ARID2: variants seen among roughly 807,000 people sequenced by gnomAD.
ARID2 encodes AT-rich interaction domain 2, also known as AT-rich interactive domain-containing protein 2.
ARID2 carries 32 observed loss-of-function variants against 184.6 expected under a neutral mutation model. The observed-to-expected ratio is 0.17, with a 90% CI of 0.13 to 0.23. ARID2 has a LOEUF of 0.23. Among genes scored for constraint, ARID2 ranks in the 10% least tolerant of loss-of-function variants. The pLI is 1.00. For synonymous variants in ARID2, 836 were observed against 772.6 expected, an observed-to-expected ratio of 1.08 and a Z score of -1.36; for missense variants, 1,696 against 2,197.6, an observed-to-expected ratio of 0.77 and a Z score of 4.56.
chr12:45,790,332 C>T (rs1472227997), intron 3 of ARID2, among the ~76,000 whole-genome samples: 6 of 151,880 alleles, frequency 4.0e-5, no homozygotes, highest in East Asian at 1.9e-4. Flanking sequence ...TAATTTTTTA[C>T]GTTTATATTT....
At chr12:45,775,701 TTAGG>T (rs1206463493) in intron 3 of ARID2, among the ~76,000 whole-genome samples, 1 of 152,212 alleles carries the variant, frequency 6.6e-6, no homozygotes, top group Non-Finnish European at 1.5e-5. Flanking sequence ...TGATTCCACT[TTAGG>T]TATGCTCTAA....
At position 45,886,104 on chromosome 12, in the gene ARID2, A is replaced by G. The variant is rs143695995; in HGVS notation, c.4923-5676A>G. On this transcript the variant is annotated intron_variant, in intron 16 of 20. Coordinates refer to ENST00000334344, the MANE Select transcript of ARID2 (RefSeq NM_152641.4). The stretch of plus-strand genomic sequence containing the variant: ...ACAAGGAAAGTCCCTTCCACCTATC[A>G]GCCTGTAAAATCAAAAGCAAGTTAG... 7.5e-3 allele frequency among the ~76,000 whole-genome samples: 1,144 copies of G among 152,218 alleles called. 20 individuals are homozygous for G. Among genetic ancestry groups the G allele is most frequent in the African/African-American group, 0.026 (1,077 of 41,486 alleles).
chr12:45,899,132 C>T (rs1438618921), intron 20 of ARID2, among the ~76,000 whole-genome samples: 5 of 150,770 alleles, frequency 3.3e-5, no homozygotes, highest in Non-Finnish European at 7.4e-5. Context: ...ATTAGCTGGG[C>T]GTGGTGGCGC....
intron 3 of ARID2, chr12:45,789,364 T>C (rs1481788503): frequency 6.6e-6 from 1 of 152,206 alleles, no homozygotes; most frequent in Non-Finnish European, 1.5e-5. Context: ...AATATTTCTT[T>C]TTCTGTGTTT....
At position 45,729,731 on chromosome 12, in the gene ARID2, C is replaced by G; in HGVS notation, c.-106C>G. ...GCCGGCCCATGACTGAGCCCCGCCGCCGCCGGCCGAGGAATGGGCTCCGGG... is the reference window on the plus strand; with the variant it reads ...GCCGGCCCATGACTGAGCCCCGCCGGCGCCGGCCGAGGAATGGGCTCCGGG... On this transcript the variant is annotated 5_prime_UTR_variant, in exon 1 of 21. Transcript: ENST00000334344. The G allele has an allele frequency of 8.4e-7, 1 of 1,191,470 alleles. No individual in the cohort carries two copies. Among genetic ancestry groups the G allele is most frequent in the Admixed American group, 2.4e-5 (1 of 41,556 alleles). The allele number at this position is 1,191,470 out of a possible 1,614,324, so 73.8% of individuals were successfully genotyped here.
chr12:45,754,376 A>T (rs1180996122), intron 3 of ARID2, among the ~76,000 whole-genome samples: 1 of 152,188 alleles, frequency 6.6e-6, no homozygotes, highest in African/African-American at 2.4e-5. Flanking sequence ...GACAGATACT[A>T]TGTCTTTTTT....
At chr12:45,736,462 TAGTC>T (rs1025626989) in intron 3 of ARID2, among the ~76,000 whole-genome samples, 6 of 152,328 alleles carry the variant, frequency 3.9e-5, no homozygotes, top group African/African-American at 9.6e-5. Context: ...TGCATTTCAT[TAGTC>T]AGTGAGCAGG....
chr12:45,773,375 A>T (rs904278131), intron 3 of ARID2, among the ~76,000 whole-genome samples: 5 of 152,022 alleles, frequency 3.3e-5, no homozygotes, highest in African/African-American at 9.7e-5. Flanking sequence ...GCAAGCAGAG[A>T]AAGGAGATAA....
intron 3 of ARID2, among the ~76,000 whole-genome samples, chr12:45,768,473 C>T (rs111589789): frequency 1.1e-4 from 17 of 152,250 alleles, no homozygotes; most frequent in African/African-American, 3.4e-4. Context: ...AGAAGTGCAC[C>T]ATTGTTCCCC....
chr12:45,852,831 A>G lies in ARID2; in HGVS notation c.4708A>G (p.Ile1570Val), dbSNP rs2138181765. The G allele has an allele frequency of 1.2e-6, 2 of 1,613,706 alleles. No individual in the cohort carries two copies. Among genetic ancestry groups the G allele is most frequent in the Non-Finnish European group, 1.7e-6 (2 of 1,179,818 alleles). Residue 1570 changes from isoleucine (I) to valine (V), a missense_variant, in exon 15 of 21, where the codon ATA becomes GTA. Around this residue, in one of 11 missense-constraint regions of ARID2, gnomAD observed 111 missense variants for 154.0 expected, o/e 0.72. Coordinates refer to ENST00000334344, the MANE Select transcript of ARID2 (RefSeq NM_152641.4). ...TCCAAGCACTGTAGCTAAAGTAGCA[A>G]TAGAAAGTGCTGTTCAGCAAAAGCA... is the stretch of plus-strand genomic sequence containing the variant. ...ADPSTVAKVAIESAVQQKQQH... is the reference protein window; with the variant it reads ...ADPSTVAKVAVESAVQQKQQH...
intron 3 of ARID2, among the ~76,000 whole-genome samples, chr12:45,782,906 C>T (rs1942122989): frequency 6.7e-6 from 1 of 149,786 alleles, no homozygotes; most frequent in South Asian, 2.1e-4. Flanking sequence ...CTCAGGAGTT[C>T]GAGACCAGCC....
At chr12:45,833,409 T>A (rs1205631281) in intron 6 of ARID2, among the ~76,000 whole-genome samples, 1 of 152,186 alleles carries the variant, frequency 6.6e-6, no homozygotes, top group Non-Finnish European at 1.5e-5. Flanking sequence ...TTTTTTAATG[T>A]CATTGTTAAT....
rs1555155077 is a variant in ARID2, at chr12:45,850,982, T to C, written c.2859T>C (p.Ala953=). 6.2e-7 allele frequency: 1 copy of C among 1,614,160 alleles called. No homozygotes were observed. ...AAATTGTTCTTGCTAATCCAGCAGCTCTTCCAGCTGGTCAGACAGTTCAGC... is the reference window on the plus strand; with the variant it reads ...AAATTGTTCTTGCTAATCCAGCAGCCCTTCCAGCTGGTCAGACAGTTCAGC... ...IHQIVLANPA[A]LPAGQTVQLT... Residue 953 remains alanine (A), a synonymous_variant, in exon 15 of 21, where the codon GCT becomes GCC. Coordinates refer to ENST00000334344, the MANE Select transcript of ARID2 (RefSeq NM_152641.4).
At chr12:45,746,491 G>GTT (rs111282602) in intron 3 of ARID2, among the ~76,000 whole-genome samples, 1 of 149,604 alleles carries the variant, frequency 6.7e-6, no homozygotes, top group African/African-American at 2.4e-5. Flanking sequence ...ATATGCTAAA[G>GTT]TTTTTTTTTT....
At chr12:45,812,456 G>A (rs923118335) in intron 4 of ARID2, among the ~76,000 whole-genome samples, 10 of 151,976 alleles carry the variant, frequency 6.6e-5, no homozygotes, top group African/African-American at 2.4e-4. Flanking sequence ...AGTAATGACT[G>A]AAGAAATAGA....
At chr12:45,757,885 G>C (rs1355940404) in intron 3 of ARID2, among the ~76,000 whole-genome samples, 1 of 152,146 alleles carries the variant, frequency 6.6e-6, no homozygotes, top group Admixed American at 6.5e-5. Context: ...TGAACTGGTG[G>C]AATAGACATG....
intron 16 of ARID2, among the ~76,000 whole-genome samples, chr12:45,866,414 G>C (rs1943832374): frequency 6.6e-6 from 1 of 152,124 alleles, no homozygotes; most frequent in Non-Finnish European, 1.5e-5. Flanking sequence ...TATTACATAT[G>C]AACAGAACTG....
At chr12:45,804,456 T>C (rs1942562142) in intron 3 of ARID2, among the ~76,000 whole-genome samples, 1 of 151,698 alleles carries the variant, frequency 6.6e-6, no homozygotes, top group Non-Finnish European at 1.5e-5. Context: ...GTTTAATGAG[T>C]AAATTAGTTT....
intron 3 of ARID2, among the ~76,000 whole-genome samples, chr12:45,787,513 G>A (rs1359535899): frequency 3.3e-5 from 5 of 151,896 alleles, no homozygotes; most frequent in Admixed American, 2.6e-4. Flanking sequence ...GGGATTATAG[G>A]CTGAGCCCCT....
Sources: gnomAD v4.1 joint callset for allele counts (sites outside exome capture counted in the v4.1 genomes callset) on GRCh38, gnomAD v4.1.1 for gene constraint, gnomAD v4.1.1 regional missense constraint, MANE v1.5 for transcripts, NCBI Gene and HGNC (gene_info 2026-07-23, HGNC 2026-07-21) for gene names.